The following SLC39A13 variants were observed in gnomAD, a reference collection of about 807,000 sequenced individuals.
SLC39A13 encodes the protein zinc transporter ZIP13.
SLC39A13 carries 18 observed loss-of-function variants against 38.7 expected under a neutral mutation model. That is an observed-to-expected ratio of 0.47 (90% confidence interval 0.32 to 0.69). The LOEUF (loss-of-function observed/expected upper bound fraction) is 0.69. Ranked by LOEUF, SLC39A13 falls within the 30% of genes least tolerant of loss-of-function variation. The pLI, the probability that SLC39A13 is intolerant of heterozygous loss-of-function variation, is 0.03. For missense variants in SLC39A13, 395 were observed against 490.7 expected, an observed-to-expected ratio of 0.80 and a Z score of 1.84; for synonymous variants, 212 against 219.1, an observed-to-expected ratio of 0.97 and a Z score of 0.29.
rs1565669714 is a variant in SLC39A13, at chr11:47,415,433, T to A, written c.*70T>A. On this transcript the variant is annotated 3_prime_UTR_variant, in exon 10 of 10. Transcript: ENST00000362021. ...CTCGGATTCACTCTGTGACCGCATA[T>A]GTGAGAGGCAGAGAGGGCGAGTGGC... 1 of 1,559,130 alleles carries A rather than the reference T, an allele frequency of 6.4e-7. No homozygotes were observed. The highest frequency in any genetic ancestry group is 1.4e-5 in the African/African-American group (1 of 73,790).
In SLC39A13 at chr11:47,415,674, A is replaced by C; in HGVS notation, c.*311A>C. On this transcript the variant is annotated 3_prime_UTR_variant, in exon 10 of 10. Transcript: ENST00000362021. ...CCCGGAGTAAGCAGCGAGGAAGAGC[A>C]GCACTGGTCCCAAGCAGAGGCCTTG... 2.1e-6 allele frequency: 1 copy of C among 473,348 alleles called. No homozygotes were observed. 29.3% of individuals were successfully genotyped at this position (473,348 alleles called of 1,614,324 possible). A position where few individuals can be genotyped will look rare whatever the true frequency, so the allele number is the denominator to read the frequency against.
In SLC39A13 at chr11:47,413,401, C is replaced by G. The variant is rs147227015; in HGVS notation, c.539C>G (p.Ala180Gly). 506 of 1,614,102 alleles carry G rather than the reference C, an allele frequency of 3.1e-4. 5 individuals carry two copies. The African/African-American group carries it at 6.4e-3, about 20-fold the overall frequency. The part of the protein sequence containing the change: ...LDSKEEGTSQ[A>G]PNKDPTAAAA... Reference sequence around the variant, plus strand: ...TCTCCCTCCTTCTCCTGGCCCTAGGCCCCCAACAAAGACCCCACTGCTGCT... The same window carrying G: ...TCTCCCTCCTTCTCCTGGCCCTAGGGCCCCAACAAAGACCCCACTGCTGCT... Residue 180 changes from alanine to glycine, a missense_variant and splice_region_variant, in exon 5 of 10, where the codon GCC (alanine) becomes GGC (glycine). By Grantham distance (60) the Ala-to-Gly change is moderately conservative. Coordinates refer to ENST00000362021, the MANE Select transcript of SLC39A13 (RefSeq NM_001128225.3).
chr11:47,412,064 C>T (rs1289520959), intron 3 of SLC39A13, 25 bp downstream of exon 3: 7 of 1,588,532 alleles, frequency 4.4e-6, no homozygotes, highest in Admixed American at 1.8e-5. Context: ...ACGCCAGGGG[C>T]AAGACAGTGC....
chr11:47,412,758 CTT>C (rs1187342398), intron 4 of SLC39A13, among the ~76,000 whole-genome samples: 77 of 115,086 alleles, frequency 6.7e-4, no homozygotes, highest in African/African-American at 2.4e-3. Flanking sequence ...GGGTTCCTAT[CTT>C]TTTTTTTTTT....
chr11:47,414,348 C>A, intron 6 of SLC39A13, 77 bp from the exon 7 acceptor site: 1 of 1,512,774 alleles, frequency 6.6e-7, no homozygotes, highest in Non-Finnish European at 9.0e-7. Context: ...GCAGAGTAAA[C>A]CTCTGTGGAA....
chr11:47,415,470 A>T lies in SLC39A13; in HGVS notation c.*107A>T. The stretch of plus-strand genomic sequence containing the variant: ...AGAGGGCGAGTGGCTGCGAGAGAGA[A>T]TGAGCCTCCCGCCAGACAGGAGGGA... On this transcript the variant is annotated 3_prime_UTR_variant, in exon 10 of 10. Coordinates refer to ENST00000362021, the MANE Select transcript of SLC39A13 (RefSeq NM_001128225.3). 1 of 1,285,130 alleles carries T rather than the reference A, an allele frequency of 7.8e-7. No homozygotes were observed. The highest frequency in any genetic ancestry group is 1.1e-6 in the Non-Finnish European group (1 of 893,954). The allele number at this position is 1,285,130 out of a possible 1,614,324, so 79.6% of individuals were successfully genotyped here.
intron 1 of SLC39A13, chr11:47,408,980 G>T (rs1280000700): frequency 6.5e-6 from 1 of 152,996 alleles, no homozygotes; most frequent in Non-Finnish European, 1.5e-5. Context: ...TCCTGGCCCA[G>T]TCTTGCCTGT....
rs759919521 is a variant in SLC39A13 at position 47,414,989 on chromosome 11, G to T, written c.920-50G>T. 5 of 1,610,730 alleles carry T rather than the reference G, an allele frequency of 3.1e-6. No individual in the cohort carries two copies. The East Asian group carries it at 1.1e-4, about 36-fold the overall frequency. ...AAAGGGTGTGGCTACCGCACTGCTGGTCCCCAGGCCCGGGAGGTGGGGAGC... is the reference window on the plus strand; with the variant it reads ...AAAGGGTGTGGCTACCGCACTGCTGTTCCCCAGGCCCGGGAGGTGGGGAGC... On this transcript the variant is annotated intron_variant, in intron 8 of 9. Transcript: ENST00000362021.
chr11:47,412,173 G>A (rs2096002947), intron 3 of SLC39A13, 134 bp downstream of exon 3: 2 of 1,262,618 alleles, frequency 1.6e-6, no homozygotes, highest in Non-Finnish European at 2.2e-6. Context: ...GGGAGGGAGG[G>A]TCATTGTCCT....
At chr11:47,414,662 G>T in intron 7 of SLC39A13, 115 bp from the exon 8 acceptor site, 1 of 1,558,192 alleles carries the variant, frequency 6.4e-7, no homozygotes, top group Non-Finnish European at 8.7e-7. Flanking sequence ...CTCAGGATGG[G>T]GGTCCCAGGG....
At chr11:47,408,565 G>C (rs1174530371), upstream of SLC39A13, 2 of 146,166 alleles carry the variant, frequency 1.4e-5, no homozygotes, top group African/African-American at 4.9e-5. Context: ...GCCGGGGGCC[G>C]GGCGGCCGGG....
intron 4 of SLC39A13, 52 bp downstream of exon 4, chr11:47,412,519 TGCCCGGGGCCTGGAG>T (rs2096004959): frequency 6.2e-7 from 1 of 1,611,768 alleles, no homozygotes; most frequent in South Asian, 1.1e-5. Flanking sequence ...TCTGTGGTAG[TGCCCGGGGCCTGGAG>T]GCCCAGGGTC....
At chr11:47,408,138 G>C (rs1279228345), upstream of SLC39A13, among the ~76,000 whole-genome samples, 2 of 152,254 alleles carry the variant, frequency 1.3e-5, no homozygotes, top group Non-Finnish European at 2.9e-5. Context: ...GGAGGAGCCA[G>C]GCCGGGCTGA....
rs539558307 is a variant in SLC39A13 at position 47,415,577 on chromosome 11, C to T, written c.*214C>T. On this transcript the variant is annotated 3_prime_UTR_variant, in exon 10 of 10. Coordinates refer to ENST00000362021, the MANE Select transcript of SLC39A13 (RefSeq NM_001128225.3). ...GACACTGTGATCCCTGTGCTGGGTCCGGGGCCCAGTGTAGCGCCTGTCCCC... is the reference window on the plus strand; with the variant it reads ...GACACTGTGATCCCTGTGCTGGGTCTGGGGCCCAGTGTAGCGCCTGTCCCC... 38 of 660,648 alleles carry T rather than the reference C, an allele frequency of 5.8e-5. No homozygotes were observed. The South Asian group carries it at 6.0e-4, about 10-fold the overall frequency. The allele number at this position is 660,648 out of a possible 1,614,324, so 40.9% of individuals were successfully genotyped here.
intron 7 of SLC39A13, 42 bp from the exon 8 acceptor site, chr11:47,414,735 G>A: frequency 6.2e-7 from 1 of 1,601,222 alleles, no homozygotes; most frequent in Non-Finnish European, 8.5e-7. Flanking sequence ...AGGGCATCAG[G>A]CCCCGCTGGG....
intron 2 of SLC39A13, among the ~76,000 whole-genome samples, chr11:47,411,250 T>C (rs1357353457): frequency 1.3e-5 from 2 of 152,112 alleles, no homozygotes; most frequent in African/African-American, 4.8e-5. Flanking sequence ...TTTCTGAGAG[T>C]GACAGCAGCT....
In SLC39A13 at chr11:47,414,774, C is replaced by T; in HGVS notation, c.787-3C>T. On this transcript the variant is annotated splice_region_variant and splice_polypyrimidine_tract_variant and intron_variant, in intron 7 of 9. Coordinates refer to ENST00000362021, the MANE Select transcript of SLC39A13 (RefSeq NM_001128225.3). ...CAGGGTGAACCTCTGGACCTCCCTTCAGGTGGGCGACTTTGCCATCCTGCT... is the reference window on the plus strand; with the variant it reads ...CAGGGTGAACCTCTGGACCTCCCTTTAGGTGGGCGACTTTGCCATCCTGCT... 1 of 1,607,864 alleles carries T rather than the reference C, an allele frequency of 6.2e-7. No individual in the cohort carries two copies.
In SLC39A13 at chr11:47,412,439, T is replaced by A; in HGVS notation, c.509T>A (p.Leu170Gln). The A allele has an allele frequency of 1.2e-6, 2 of 1,614,168 alleles. No homozygotes were observed. Among genetic ancestry groups the A allele is most frequent in the Non-Finnish European group, 1.7e-6 (2 of 1,179,996 alleles). The change falls in exon 4 of 10, where the codon CTG becomes CAG. Residue 170 changes from leucine (L) to glutamine (Q), a missense_variant. By Grantham distance (113) the Leu-to-Gln change is moderately radical. Transcript: ENST00000362021. ...TTCCTGGCGTTGGAGAAGATGTTCC[T>A]GGACAGCAAGGAGGAGGGGACCAGC... ...LTFLALEKMF[L>Q]DSKEEGTSQA...
Position 47,414,451 on chromosome 11 carries a change from C to G in SLC39A13, c.762C>G (p.Ile254Met). The G allele has an allele frequency of 6.2e-7, 1 of 1,612,204 alleles. No individual in the cohort carries two copies. The highest frequency in any genetic ancestry group is 8.5e-7 in the Non-Finnish European group (1 of 1,179,328). ...TCGGGCTCCTGACAACCATGGCCAT[C>G]CTCCTGCATGAGATCCCCCATGAGG... Reference protein sequence around the residue: ...KKIGLLTTMAILLHEIPHEVG... With the variant: ...KKIGLLTTMAMLLHEIPHEVG... The change falls in exon 7 of 10, where the codon ATC (isoleucine) becomes ATG (methionine). Residue 254 changes from isoleucine to methionine, a missense_variant. Transcript: ENST00000362021.
Sources: allele counts gnomAD v4.1 joint callset (sites outside exome capture counted in the v4.1 genomes callset), GRCh38; gene constraint gnomAD v4.1.1; transcripts MANE v1.5; gene names NCBI Gene and HGNC (gene_info 2026-07-23, HGNC 2026-07-21).